Variants in LDLRAD3 observed in about 807,000 individuals in gnomAD.
LDLRAD3 encodes the protein low-density lipoprotein receptor class A domain-containing protein 3.
In LDLRAD3, 20 loss-of-function variants were observed where a neutral mutation model predicts 29.4. The ratio of observed to expected loss-of-function variants is 0.68; its 90% CI spans 0.48 to 0.99. The LOEUF is 0.99. Ranked by LOEUF, LDLRAD3 falls within the 50% of genes least tolerant of loss-of-function variation. LDLRAD3 has a pLI of 0.00. For missense variants in LDLRAD3, 420 were observed against 454.3 expected, an observed-to-expected ratio of 0.92 and a Z score of 0.69; for synonymous variants, 157 against 192.7, an observed-to-expected ratio of 0.81 and a Z score of 1.53.
intron 4 of LDLRAD3, among the ~76,000 whole-genome samples, chr11:36,145,391 A>C (rs1335278683): frequency 9.8e-6 from 1 of 102,220 alleles, no homozygotes; most frequent in Non-Finnish European, 2.0e-5. Context: ...TGGGGGGGTC[A>C]GCCCCCCGCC....
intron 1 of LDLRAD3, among the ~76,000 whole-genome samples, chr11:36,022,355 A>C (rs1409883411): frequency 6.6e-6 from 1 of 152,214 alleles, no homozygotes; most frequent in East Asian, 1.9e-4. Flanking sequence ...AGCCCTAGTT[A>C]ATCTTATGGC....
chr11:36,194,491 T>A (rs181004693), intron 4 of LDLRAD3, among the ~76,000 whole-genome samples: 7 of 152,278 alleles, frequency 4.6e-5, no homozygotes, highest in Admixed American at 4.6e-4. Flanking sequence ...CTATCTCAGG[T>A]TTCCTGTGTG....
chr11:36,160,886 C>A (rs953407029), intron 4 of LDLRAD3, among the ~76,000 whole-genome samples: 1 of 152,076 alleles, frequency 6.6e-6, no homozygotes, highest in Non-Finnish European at 1.5e-5. Context: ...CCTCCGCCTC[C>A]CAGGTTCAAG....
At chr11:36,176,527 T>G (rs1027558449) in intron 4 of LDLRAD3, among the ~76,000 whole-genome samples, 9 of 152,120 alleles carry the variant, frequency 5.9e-5, no homozygotes, top group Non-Finnish European at 1.3e-4. Flanking sequence ...GTGAATTGTC[T>G]CAGCATTTCT....
At chr11:36,118,144 A>G (rs987838884) in intron 4 of LDLRAD3, among the ~76,000 whole-genome samples, 1 of 152,160 alleles carries the variant, frequency 6.6e-6, no homozygotes, top group African/African-American at 2.4e-5. Flanking sequence ...ATGATAGGGT[A>G]GTCTTACAAA....
Position 36,223,857 on chromosome 11 carries a change from G to A in LDLRAD3, c.455-3228G>A, listed in dbSNP as rs1219498451. On this transcript the variant is annotated intron_variant, in intron 4 of 5. Coordinates refer to ENST00000315571, the MANE Select transcript of LDLRAD3 (RefSeq NM_174902.4). ...CCCCCAGCTTTCTACCCCCAGTTGCGAGAAGTTGGTGAGGATAATGGTAAG... is the reference window on the plus strand; with the variant it reads ...CCCCCAGCTTTCTACCCCCAGTTGCAAGAAGTTGGTGAGGATAATGGTAAG... Among the ~76,000 whole-genome samples, 4 of 151,412 alleles carry A rather than the reference G, an allele frequency of 2.6e-5. 1 individual carries two copies. The highest frequency in any genetic ancestry group is 1.9e-4 in the East Asian group (1 of 5,154).
chr11:36,077,773 C>A (rs1408907593), intron 2 of LDLRAD3, among the ~76,000 whole-genome samples: 1 of 152,202 alleles, frequency 6.6e-6, no homozygotes, highest in Non-Finnish European at 1.5e-5. Context: ...TAGGTCTGGG[C>A]TCCCCAAAGG....
At chr11:36,045,924 C>T (rs918059013) in intron 2 of LDLRAD3, among the ~76,000 whole-genome samples, 1 of 152,068 alleles carries the variant, frequency 6.6e-6, no homozygotes, top group Non-Finnish European at 1.5e-5. Context: ...TTTTAAGACC[C>T]GCGTGCATTA....
At chr11:36,018,897 T>C (rs1852056666) in intron 1 of LDLRAD3, among the ~76,000 whole-genome samples, 1 of 152,218 alleles carries the variant, frequency 6.6e-6, no homozygotes, top group South Asian at 2.1e-4. Flanking sequence ...TCGTTTTCTT[T>C]ATTCATTTTT....
At chr11:36,041,846 C>A (rs916208329) in intron 2 of LDLRAD3, among the ~76,000 whole-genome samples, 7 of 150,472 alleles carry the variant, frequency 4.7e-5, no homozygotes, top group South Asian at 4.2e-4. Flanking sequence ...ATGTACAGAC[C>A]TGGCCCTTTA....
chr11:36,045,723 T>G (rs1427880997), intron 2 of LDLRAD3, among the ~76,000 whole-genome samples: 11 of 67,220 alleles, frequency 1.6e-4, no homozygotes, highest in South Asian at 6.4e-4. Context: ...ATCTGATGGG[T>G]TTTTTTTTTT....
At chr11:36,068,932 T>C (rs757513113) in intron 2 of LDLRAD3, among the ~76,000 whole-genome samples, 10 of 152,202 alleles carry the variant, frequency 6.6e-5, no homozygotes, top group Non-Finnish European at 1.3e-4. Flanking sequence ...TACGAGAGAA[T>C]CTTGTGGCAA....
intron 4 of LDLRAD3, among the ~76,000 whole-genome samples, chr11:36,170,626 T>G (rs1361547386): frequency 1.3e-5 from 2 of 152,158 alleles, no homozygotes; most frequent in African/African-American, 4.8e-5. Context: ...CTACCAGCGA[T>G]ATAAAAGTGT....
At chr11:36,062,429 A>T (rs974515697) in intron 2 of LDLRAD3, among the ~76,000 whole-genome samples, 3 of 152,170 alleles carry the variant, frequency 2.0e-5, no homozygotes, top group Admixed American at 6.5e-5. Context: ...ACACACAGAA[A>T]GCCAATCACT....
chr11:36,013,661 T>C (rs1028865012), intron 1 of LDLRAD3, among the ~76,000 whole-genome samples: 3 of 152,222 alleles, frequency 2.0e-5, no homozygotes, highest in African/African-American at 7.2e-5. Flanking sequence ...GGCTGCATAG[T>C]ATTCCATGGT....
chr11:36,228,987 C>T (rs543216259), intron 5 of LDLRAD3, among the ~76,000 whole-genome samples, 173 bp from the exon 6 acceptor site: 144 of 152,296 alleles, frequency 9.5e-4, no homozygotes, highest in African/African-American at 1.6e-3. Flanking sequence ...TTTTCTGTTC[C>T]GATGTGGTTC....
At position 36,227,273 on chromosome 11, in the gene LDLRAD3, G is replaced by C; in HGVS notation, c.643G>C (p.Val215Leu). 8 of 1,614,036 alleles carry C rather than the reference G, an allele frequency of 5.0e-6. No homozygotes were observed. The highest frequency in any genetic ancestry group is 6.8e-6 in the Non-Finnish European group (8 of 1,179,998). ...TLPVHRLQHPVLLSRLVVLDH... is the reference protein window; with the variant it reads ...TLPVHRLQHPLLLSRLVVLDH... ...GCCCGTGCACCGGCTGCAGCACCCT[G>C]TGCTGCTGTCCCGCCTGGTGGTCCT... The change falls in exon 5 of 6, where the codon GTG becomes CTG. Residue 215 changes from valine (V) to leucine (L), a missense_variant. This residue lies in a region of LDLRAD3 where 56 missense variants were observed against 92.2 expected (regional missense o/e 0.61). Coordinates refer to ENST00000315571, the MANE Select transcript of LDLRAD3 (RefSeq NM_174902.4).
chr11:36,067,680 CT>C (rs1162845791), intron 2 of LDLRAD3, among the ~76,000 whole-genome samples: 1 of 151,908 alleles, frequency 6.6e-6, no homozygotes, highest in Non-Finnish European at 1.5e-5. Context: ...CTGTAATTAA[CT>C]TTTTTTTGAG....
At chr11:36,211,397 A>G (rs937215651) in intron 4 of LDLRAD3, among the ~76,000 whole-genome samples, 1 of 152,258 alleles carries the variant, frequency 6.6e-6, no homozygotes, top group African/African-American at 2.4e-5. Flanking sequence ...TGGTGGGAAT[A>G]TAAAGCAGGA....
Sources: allele counts gnomAD v4.1 joint callset (sites outside exome capture counted in the v4.1 genomes callset), GRCh38; gene constraint gnomAD v4.1.1; regional missense constraint gnomAD v4.1.1; transcripts MANE v1.5; gene names NCBI Gene and HGNC (gene_info 2026-07-23, HGNC 2026-07-21).